The following ROBO2 variants were observed in gnomAD, a reference collection of about 807,000 sequenced individuals.
ROBO2 encodes the protein roundabout guidance receptor 2, also known as roundabout homolog 2.
In ROBO2, 53 loss-of-function variants were observed where a neutral mutation model predicts 160.8. The ratio of observed to expected loss-of-function variants is 0.33; its 90% CI spans 0.26 to 0.41. ROBO2 has a LOEUF of 0.41. ROBO2 is among the 10% of genes least tolerant of loss of function. The pLI is 1.00. For synonymous variants in ROBO2, 664 were observed against 611.7 expected (o/e 1.09, Z -1.26); for missense variants, 1,577 against 1,722.4 (o/e 0.92, Z 1.49).
intron 2 of ROBO2, among the ~76,000 whole-genome samples, chr3:76,727,683 T>C (rs1355941731): frequency 6.6e-6 from 1 of 152,022 alleles, no homozygotes; most frequent in Non-Finnish European, 1.5e-5. Context: ...TTGTGGAAGC[T>C]AAAAAAGTTG....
intron 14 of ROBO2, 58 bp from the exon 16 acceptor site, chr3:77,577,432 A>C: frequency 1.2e-6 from 2 of 1,610,226 alleles, no homozygotes; most frequent in Non-Finnish European, 1.7e-6. Flanking sequence ...TTCTGAAAGT[A>C]GCATGAACGC....
At chr3:76,798,268 G>GAAAGAAAGAAAC (rs2063898165) in intron 2 of ROBO2, among the ~76,000 whole-genome samples, 1 of 121,704 alleles carries the variant, frequency 8.2e-6, no homozygotes, top group Non-Finnish European at 1.7e-5. Context: ...AGGAAAGAAA[G>GAAAGAAAGAAAC]AAAGAAAGAA....
At chr3:76,635,697 TC>T (rs1468492953) in intron 2 of ROBO2, among the ~76,000 whole-genome samples, 10 of 152,366 alleles carry the variant, frequency 6.6e-5, no homozygotes, top group African/African-American at 2.4e-4. Context: ...ATAGAGATTT[TC>T]AAAACCTCCA....
chr3:77,392,966 C>A (rs889145158), intron 2 of ROBO2, among the ~76,000 whole-genome samples: 1 of 152,040 alleles, frequency 6.6e-6, no homozygotes, highest in African/African-American at 2.4e-5. Flanking sequence ...ATCATTGATG[C>A]TCATAAAATT....
Position 77,180,001 on chromosome 3 carries a change from G to A in ROBO2, c.388+81661G>A, listed in dbSNP as rs2080555305. On this transcript the variant is annotated intron_variant, in intron 2 of 25. Coordinates refer to ENST00000461745, the Ensembl canonical transcript of ROBO2. ...TGAACCCTGGGCTGTGTTTGAGATGGGGAGGGAGTCGATAAAAGCATCAGG... is the reference window on the plus strand; with the variant it reads ...TGAACCCTGGGCTGTGTTTGAGATGAGGAGGGAGTCGATAAAAGCATCAGG... 2.0e-5 allele frequency among the ~76,000 whole-genome samples: 3 copies of A among 152,174 alleles called. No homozygotes were observed. The South Asian group carries it at 6.2e-4, about 32-fold the overall frequency.
At chr3:75,940,445 A>C (rs1000613077) in intron 2 of ROBO2, among the ~76,000 whole-genome samples, 25 of 152,214 alleles carry the variant, frequency 1.6e-4, no homozygotes, top group Non-Finnish European at 2.8e-4. Context: ...TGTATCTGTG[A>C]AGAAAAGCAT....
chr3:77,339,825 C>G (rs1420679970), intron 2 of ROBO2, among the ~76,000 whole-genome samples: 1 of 151,814 alleles, frequency 6.6e-6, no homozygotes, highest in Non-Finnish European at 1.5e-5. Flanking sequence ...ATTTTTTTCC[C>G]CTTTCCACTT....
At chr3:75,921,902 T>C (rs1412398085) in intron 1 of ROBO2, among the ~76,000 whole-genome samples, 1 of 152,086 alleles carries the variant, frequency 6.6e-6, no homozygotes, top group Admixed American at 6.6e-5. Context: ...AAAGCTGGAG[T>C]ACATTTCAGA....
chr3:75,973,677 A>AACATTC, intron 2 of ROBO2, among the ~76,000 whole-genome samples: 1 of 151,552 alleles, frequency 6.6e-6, no homozygotes, highest in South Asian at 2.1e-4. Context: ...AAGGAAACTA[A>AACATTC]TTTTATAGAA....
intron 2 of ROBO2, among the ~76,000 whole-genome samples, chr3:76,085,008 A>G (rs905753528): frequency 2.6e-5 from 4 of 152,120 alleles, no homozygotes; most frequent in African/African-American, 7.2e-5. Flanking sequence ...AACCTCATGT[A>G]ACACCTGTGT....
chr3:77,445,799 T>TG (rs2080432567), intron 2 of ROBO2, among the ~76,000 whole-genome samples: 3 of 145,484 alleles, frequency 2.1e-5, no homozygotes, highest in African/African-American at 5.0e-5. Flanking sequence ...TTTTTGTTTT[T>TG]TTTTTTTTTT....
At chr3:77,435,772 C>T (rs943971111) in intron 2 of ROBO2, among the ~76,000 whole-genome samples, 3 of 151,432 alleles carry the variant, frequency 2.0e-5, no homozygotes, top group Admixed American at 6.6e-5. Context: ...GGACAAAGGT[C>T]GTGAAAGAAA....
intron 2 of ROBO2, among the ~76,000 whole-genome samples, chr3:77,374,168 TC>T (rs2072268895): frequency 5.6e-5 from 1 of 17,922 alleles, no homozygotes; most frequent in African/African-American, 4.1e-4. Flanking sequence ...CGAGACTCCA[TC>T]AAAAAAAAAA....
chr3:77,589,077 C>G (rs2094122712), intron 17 of ROBO2, 144 bp downstream of exon 18: 1 of 887,340 alleles, frequency 1.1e-6, no homozygotes, highest in Non-Finnish European at 1.8e-6. Flanking sequence ...ACTCAACATG[C>G]TTTAATGCAT....
intron 2 of ROBO2, among the ~76,000 whole-genome samples, chr3:76,553,494 A>G (rs780054758): frequency 6.6e-6 from 1 of 152,186 alleles, no homozygotes; most frequent in Non-Finnish European, 1.5e-5. Flanking sequence ...TGACTAAAGA[A>G]ACACTAGATA....
chr3:76,292,049 G>C (rs570834795), intron 2 of ROBO2, among the ~76,000 whole-genome samples: 1 of 151,976 alleles, frequency 6.6e-6, no homozygotes, highest in Non-Finnish European at 1.5e-5. Flanking sequence ...GTCTATTCAG[G>C]TCCCAAATAT....
intron 2 of ROBO2, among the ~76,000 whole-genome samples, chr3:76,999,057 A>C (rs937747485): frequency 2.0e-5 from 3 of 152,050 alleles, no homozygotes; most frequent in Non-Finnish European, 1.5e-5. Context: ...GTCCAAATCC[A>C]CAGGTCTTCT....
chr3:77,607,733 C>CATCT, intron 20 of ROBO2, 65 bp from the exon 22 acceptor site: 1 of 1,404,048 alleles, frequency 7.1e-7, no homozygotes, highest in East Asian at 2.3e-5. Flanking sequence ...ATACACCTTG[C>CATCT]CATCTGATGT....
chr3:77,527,284 G>A (rs2091255540), intron 6 of ROBO2, 119 bp from the exon 7 acceptor site: 1 of 604,986 alleles, frequency 1.7e-6, no homozygotes, highest in Non-Finnish European at 2.5e-6. Flanking sequence ...TGTGAGACTA[G>A]AAATCACTCT....
Sources: allele counts gnomAD v4.1 joint callset (sites outside exome capture counted in the v4.1 genomes callset), GRCh38; gene constraint gnomAD v4.1.1; transcripts MANE v1.5; gene names NCBI Gene and HGNC (gene_info 2026-07-23, HGNC 2026-07-21).